KCNQ5: variants seen among roughly 807,000 people sequenced by gnomAD.
KCNQ5 encodes the protein potassium voltage-gated channel subfamily Q member 5, also known as potassium voltage-gated channel subfamily KQT member 5.
A neutral mutation model predicts 98.2 loss-of-function variants in KCNQ5; 30 were observed. That is an observed-to-expected ratio of 0.31 (90% CI 0.23 to 0.41). The LOEUF (loss-of-function observed/expected upper bound fraction) is 0.41, where lower values mean the gene tolerates loss of function less well. Among genes scored for constraint, KCNQ5 ranks in the 10% least tolerant of loss-of-function variants. KCNQ5 has a pLI of 1.00. For missense variants in KCNQ5, 835 were observed against 1,182.5 expected (o/e 0.71, Z 4.31); for synonymous variants, 458 against 449.4 (o/e 1.02, Z -0.24).
intron 1 of KCNQ5, among the ~76,000 whole-genome samples, chr6:72,888,581 G>T (rs1282521248): frequency 6.6e-6 from 1 of 152,154 alleles, no homozygotes; most frequent in Non-Finnish European, 1.5e-5. Flanking sequence ...GACTGCATTT[G>T]CGATGAACCA....
At chr6:72,738,572 A>G (rs1023606823) in intron 1 of KCNQ5, among the ~76,000 whole-genome samples, 1 of 152,094 alleles carries the variant, frequency 6.6e-6, no homozygotes, top group Non-Finnish European at 1.5e-5. Flanking sequence ...GTATTGATTT[A>G]TGACGTTATT....
intron 11 of KCNQ5, 128 bp from the exon 12 acceptor site, chr6:73,190,445 A>G (rs975753162): frequency 9.1e-6 from 4 of 441,632 alleles, no homozygotes; most frequent in African/African-American, 8.1e-5. Flanking sequence ...ACACATCTGC[A>G]GAAGCCAAAA....
At chr6:72,825,888 A>G (rs1005538237) in intron 1 of KCNQ5, among the ~76,000 whole-genome samples, 2 of 152,130 alleles carry the variant, frequency 1.3e-5, no homozygotes, top group Non-Finnish European at 2.9e-5. Flanking sequence ...TTAAATGAAG[A>G]GAGAAAACTT....
At chr6:73,063,721 T>TAGATAGATAGATAGATAGATGATAGATA (rs1554203585) in intron 3 of KCNQ5, among the ~76,000 whole-genome samples, 4 of 96,034 alleles carry the variant, frequency 4.2e-5, no homozygotes, top group Non-Finnish European at 8.8e-5. Context: ...GATAGATAGA[T>TAGATAGATAGATAGATAGATGATAGATA]GATAGATAGA....
chr6:73,018,861 C>T (rs1416975374), intron 2 of KCNQ5, among the ~76,000 whole-genome samples: 1 of 152,152 alleles, frequency 6.6e-6, no homozygotes, highest in African/African-American at 2.4e-5. Context: ...CAGCATACAA[C>T]ACATTGGCCT....
intron 11 of KCNQ5, among the ~76,000 whole-genome samples, chr6:73,178,112 T>C (rs1778281652): frequency 1.3e-5 from 2 of 151,250 alleles, no homozygotes; most frequent in African/African-American, 2.4e-5. Context: ...ACTTTATTAT[T>C]TGGTTTTTTT....
At chr6:72,992,888 A>G (rs368431169) in intron 1 of KCNQ5, among the ~76,000 whole-genome samples, 1 of 44,736 alleles carries the variant, frequency 2.2e-5, no homozygotes, top group Non-Finnish European at 3.7e-5. Flanking sequence ...TTGCTTGTCT[A>G]TAAAGTATTT....
At chr6:72,777,386 A>G (rs1206581338) in intron 1 of KCNQ5, among the ~76,000 whole-genome samples, 1 of 152,024 alleles carries the variant, frequency 6.6e-6, no homozygotes, top group Non-Finnish European at 1.5e-5. Flanking sequence ...AAGAAAAATG[A>G]TTTGCGATTA....
At chr6:72,986,665 G>T in intron 1 of KCNQ5, 1 of 866,562 alleles carries the variant, frequency 1.2e-6, no homozygotes, top group Non-Finnish European at 1.9e-6. Flanking sequence ...GGAAGCAGGT[G>T]CTTGGCCATT....
intron 11 of KCNQ5, among the ~76,000 whole-genome samples, chr6:73,187,591 A>C (rs1209930692): frequency 6.6e-6 from 1 of 152,350 alleles, no homozygotes; most frequent in African/African-American, 2.4e-5. Context: ...TGATAAACCT[A>C]TTAAGAGTTT....
At chr6:72,889,400 A>C (rs1425986523) in intron 1 of KCNQ5, among the ~76,000 whole-genome samples, 3 of 152,186 alleles carry the variant, frequency 2.0e-5, no homozygotes, top group African/African-American at 7.2e-5. Context: ...TGATGCATTT[A>C]TAGTGTGTAT....
chr6:72,699,560 A>C (rs1180530706), intron 1 of KCNQ5, among the ~76,000 whole-genome samples: 1 of 152,206 alleles, frequency 6.6e-6, no homozygotes, highest in Non-Finnish European at 1.5e-5. Context: ...AGTTAATTAG[A>C]AGATTGCCAA....
chr6:72,835,796 C>T (rs1582384169), intron 1 of KCNQ5, among the ~76,000 whole-genome samples: 2 of 152,162 alleles, frequency 1.3e-5, no homozygotes, highest in African/African-American at 4.8e-5. Context: ...TTAACCATTA[C>T]GCTACACTCA....
chr6:73,186,415 A>G (rs1778573969), intron 11 of KCNQ5, among the ~76,000 whole-genome samples: 1 of 152,212 alleles, frequency 6.6e-6, no homozygotes, highest in Non-Finnish European at 1.5e-5. Context: ...CTTAATCCTT[A>G]ATAAGTAAGA....
chr6:72,927,002 G>A (rs935200305), intron 1 of KCNQ5, among the ~76,000 whole-genome samples: 11 of 152,076 alleles, frequency 7.2e-5, no homozygotes, highest in Admixed American at 4.6e-4. Context: ...CTTCTTTTAA[G>A]TTCAACAAAT....
chr6:73,099,990 T>G (rs1774692777), intron 5 of KCNQ5, among the ~76,000 whole-genome samples: 1 of 152,228 alleles, frequency 6.6e-6, no homozygotes, highest in Admixed American at 6.5e-5. Flanking sequence ...TAATATCAAG[T>G]ATCTTCTCTG....
intron 1 of KCNQ5, among the ~76,000 whole-genome samples, chr6:72,996,111 AC>A (rs1769287943): frequency 6.6e-6 from 1 of 152,240 alleles, no homozygotes; most frequent in African/African-American, 2.4e-5. Flanking sequence ...AGTTCCTGGT[AC>A]AATGTCTGTA....
At chr6:72,833,428 A>C (rs369863359) in intron 1 of KCNQ5, among the ~76,000 whole-genome samples, 2 of 152,190 alleles carry the variant, frequency 1.3e-5, no homozygotes, top group East Asian at 3.8e-4. Flanking sequence ...ATCATATTGT[A>C]TACTTTGAAG....
chr6:72,768,632 T>C (rs1772695870), intron 1 of KCNQ5, among the ~76,000 whole-genome samples: 2 of 151,932 alleles, frequency 1.3e-5, no homozygotes, highest in Non-Finnish European at 2.9e-5. Context: ...GGCCCTTCAT[T>C]CAACGTAATT....
Sources: gnomAD v4.1 joint callset for allele counts (sites outside exome capture counted in the v4.1 genomes callset) on GRCh38, gnomAD v4.1.1 for gene constraint, MANE v1.5 for transcripts, NCBI Gene and HGNC (gene_info 2026-07-23, HGNC 2026-07-21) for gene names.